AAK1: variants seen among roughly 807,000 people sequenced by gnomAD.
The protein encoded by AAK1 is AP2 associated kinase 1, also known as AP2-associated protein kinase 1.
Under a neutral mutation model 116.0 loss-of-function variants are expected in AAK1, and 37 were observed. That is an observed-to-expected ratio of 0.32 (90% confidence interval 0.25 to 0.42). The LOEUF (loss-of-function observed/expected upper bound fraction) is 0.42, where lower values mean the gene tolerates loss of function less well. Among genes scored for constraint, AAK1 ranks in the 10% least tolerant of loss-of-function variants. The pLI is 1.00. For missense variants in AAK1, 919 were observed against 1,170.6 expected, an observed-to-expected ratio of 0.79 and a Z score of 3.14; for synonymous variants, 458 against 439.9, an observed-to-expected ratio of 1.04 and a Z score of -0.51.
chr2:69,541,342 T>C (rs1335943434), intron 5 of AAK1, among the ~76,000 whole-genome samples: 2 of 151,344 alleles, frequency 1.3e-5, no homozygotes, highest in African/African-American at 4.9e-5. Context: ...GTGATTCTCA[T>C]GCCTCCGCCT....
chr2:69,519,029 C>G lies in AAK1; in HGVS notation c.1422G>C (p.Gln474His). The change falls in exon 12 of 22, where the codon CAG becomes CAC. Residue 474 changes from glutamine (Q) to histidine (H), a missense_variant. Transcript: ENST00000409085. ...QQQLFLKQQQQQQQPPPAQQQ... is the reference protein window; with the variant it reads ...QQQLFLKQQQHQQQPPPAQQQ... ...GCTGTGCTGGCGGTGGCTGTTGCTG[C>G]TGCTGTTGCTGCTTGAGGAAGAGTT... 1 of 1,550,372 alleles carries G rather than the reference C, an allele frequency of 6.5e-7. No individual in the cohort carries two copies. The highest frequency in any genetic ancestry group is 8.7e-7 in the Non-Finnish European group (1 of 1,146,520).
chr2:69,514,007 C>A (rs1053996268), intron 13 of AAK1, among the ~76,000 whole-genome samples: 1 of 152,134 alleles, frequency 6.6e-6, no homozygotes, highest in African/African-American at 2.4e-5. Context: ...AGGCCCTTGA[C>A]GGGAGCTGCA....
intron 2 of AAK1, among the ~76,000 whole-genome samples, chr2:69,567,476 C>T (rs1671925770): frequency 6.6e-6 from 1 of 152,210 alleles, no homozygotes; most frequent in Admixed American, 6.5e-5. Context: ...GCATCTCTGT[C>T]ACCCAGCACA....
rs541506377 is a variant in AAK1 at position 69,598,919 on chromosome 2, T to C, written c.164-41941A>G. The C allele has an allele frequency of 1.8e-5, 7 of 387,578 alleles. No homozygotes were observed. In the East Asian group the frequency reaches 2.6e-4, roughly 14 times the overall value. The allele number at this position is 387,578 out of a possible 1,614,324, so 24.0% of individuals were successfully genotyped here. On this transcript the variant is annotated intron_variant, in intron 2 of 21. Transcript: ENST00000409085. ...TTACAAGGAGATCATTACTTTTTGA[T>C]AGATTATGCTAAGGAACATCACATG...
chr2:69,557,928 A>G (rs1671454574), intron 2 of AAK1, among the ~76,000 whole-genome samples: 1 of 152,226 alleles, frequency 6.6e-6, no homozygotes, highest in Non-Finnish European at 1.5e-5. Flanking sequence ...GAGAAGATAC[A>G]TGATAAGGGT....
intron 15 of AAK1, among the ~76,000 whole-genome samples, chr2:69,507,034 A>G (rs1417530406): frequency 2.0e-5 from 3 of 152,200 alleles, no homozygotes; most frequent in Non-Finnish European, 4.4e-5. Context: ...AGGCACATTC[A>G]TGGACAAGCA....
Position 69,643,294 on chromosome 2 carries a change from AAG to A in AAK1, c.-234-22_-234-21del, listed in dbSNP as rs1197651753. 53 of 1,370,070 alleles carry A rather than the reference AAG, an allele frequency of 3.9e-5. No homozygotes were observed. Among genetic ancestry groups the A allele is most frequent in the Middle Eastern group, 2.7e-4 (1 of 3,700 alleles). 84.9% of individuals were successfully genotyped at this position (1,370,070 alleles called of 1,614,324 possible). A position where few individuals can be genotyped will look rare whatever the true frequency, so the allele number is the denominator to read the frequency against. ...TTAAACCTGTGATGACAGAGGAAGA[AAG>A]AGAGGATGAATCAGTAACACGCTTA... On this transcript the variant is annotated intron_variant, in intron 1 of 21. Coordinates refer to ENST00000409085, the MANE Select transcript of AAK1 (RefSeq NM_014911.5).
chr2:69,642,829 C>A (rs1008312180), intron 2 of AAK1, 49 bp downstream of exon 2: 2 of 1,610,708 alleles, frequency 1.2e-6, no homozygotes, highest in African/African-American at 2.7e-5. Context: ...CACAGTATTG[C>A]CGCATCAGCA....
At chr2:69,555,821 T>G (rs1273018043) in intron 3 of AAK1, among the ~76,000 whole-genome samples, 3 of 151,394 alleles carry the variant, frequency 2.0e-5, no homozygotes, top group Non-Finnish European at 4.4e-5. Flanking sequence ...TCAAAGTTTC[T>G]TATGTATAAT....
At position 69,461,114 on chromosome 2, in the gene AAK1, C is replaced by T. The variant is rs539916707; in HGVS notation, c.*14755G>A. ...ACCATGATGGTCCCATAAGATTATACCATATTTTTACTGTACCTTTTCTAT... is the reference window on the plus strand; with the variant it reads ...ACCATGATGGTCCCATAAGATTATATCATATTTTTACTGTACCTTTTCTAT... On this transcript the variant is annotated 3_prime_UTR_variant, in exon 22 of 22. Coordinates refer to ENST00000409085, the MANE Select transcript of AAK1 (RefSeq NM_014911.5). 2.0e-5 allele frequency: 3 copies of T among 152,130 alleles called. No individual in the cohort carries two copies. Among genetic ancestry groups the T allele is most frequent in the Non-Finnish European group, 2.9e-5 (2 of 68,032 alleles). 9.4% of individuals were successfully genotyped at this position (152,130 alleles called of 1,614,324 possible).
intron 2 of AAK1, among the ~76,000 whole-genome samples, chr2:69,627,677 T>C (rs1469070283): frequency 1.3e-5 from 2 of 152,190 alleles, no homozygotes; most frequent in African/African-American, 4.8e-5. Context: ...TGTGAGGAGT[T>C]TGGATTTTAT....
intron 2 of AAK1, among the ~76,000 whole-genome samples, chr2:69,639,133 A>AAT (rs1675585299): frequency 6.6e-6 from 1 of 152,226 alleles, no homozygotes; most frequent in Non-Finnish European, 1.5e-5. Flanking sequence ...GGATTCCTTG[A>AAT]ATATAAATTA....
chr2:69,630,187 A>G (rs772808972), intron 2 of AAK1, among the ~76,000 whole-genome samples: 6 of 152,130 alleles, frequency 3.9e-5, no homozygotes, highest in Non-Finnish European at 7.3e-5. Flanking sequence ...TCATACTTAT[A>G]AAAACTTGAT....
intron 17 of AAK1, among the ~76,000 whole-genome samples, chr2:69,487,826 G>A (rs975242929): frequency 8.9e-5 from 10 of 111,864 alleles, no homozygotes; most frequent in Non-Finnish European, 3.6e-5. Context: ...TTTCACTCTT[G>A]TTGCCCAGGC....
At chr2:69,496,655 C>T (rs1675757111) in intron 16 of AAK1, among the ~76,000 whole-genome samples, 1 of 152,164 alleles carries the variant, frequency 6.6e-6, no homozygotes, top group African/African-American at 2.4e-5. Context: ...CTTGGATATA[C>T]TGCAGTCTAC....
rs1487220179 is a variant in AAK1, at chr2:69,472,030, C to T, written c.*3839G>A. The T allele has an allele frequency of 1.0e-6, 1 of 985,188 alleles. No homozygotes were observed. The highest frequency in any genetic ancestry group is 1.2e-6 in the Non-Finnish European group (1 of 829,872). The allele number at this position is 985,188 out of a possible 1,614,324, so 61.0% of individuals were successfully genotyped here. ...AAGTCCAATATCAAATAACACTGAA[C>T]AAAGTGACAACTTCTTTCAGAGGTG... is the stretch of plus-strand genomic sequence containing the variant. On this transcript the variant is annotated 3_prime_UTR_variant, in exon 22 of 22. Transcript: ENST00000409085.
At chr2:69,485,756 G>A (rs1675273918) in intron 17 of AAK1, among the ~76,000 whole-genome samples, 1 of 150,584 alleles carries the variant, frequency 6.6e-6, no homozygotes, top group Non-Finnish European at 1.5e-5. Flanking sequence ...CCTCTCCCAT[G>A]TTCAAGCGAT....
intron 2 of AAK1, among the ~76,000 whole-genome samples, chr2:69,596,117 T>C (rs1673269718): frequency 2.0e-5 from 3 of 152,292 alleles, no homozygotes; most frequent in South Asian, 4.1e-4. Flanking sequence ...ACAATGCACC[T>C]AGTCATCCAA....
At chr2:69,511,408 T>C (rs187642947) in intron 13 of AAK1, among the ~76,000 whole-genome samples, 53 of 152,300 alleles carry the variant, frequency 3.5e-4, no homozygotes, top group Admixed American at 3.3e-3. Flanking sequence ...CTAATATCAA[T>C]CAGAGGTTAG....
Sources: gnomAD v4.1 joint callset for allele counts (sites outside exome capture counted in the v4.1 genomes callset) on GRCh38, gnomAD v4.1.1 for gene constraint, MANE v1.5 for transcripts, NCBI Gene and HGNC (gene_info 2026-07-23, HGNC 2026-07-21) for gene names.